Variants in WDR35 observed in about 807,000 individuals in gnomAD.
WDR35 encodes the protein WD repeat domain 35, also known as WD repeat-containing protein 35.
WDR35 carries 118 observed loss-of-function variants against 158.3 expected under a neutral mutation model. The ratio of observed to expected loss-of-function variants is 0.75; its 90% CI spans 0.64 to 0.87. WDR35 has a LOEUF of 0.87. WDR35 is among the 40% of genes least tolerant of loss of function. WDR35 has a pLI of 0.00. For synonymous variants in WDR35, 448 were observed against 476.1 expected, an observed-to-expected ratio of 0.94 and a Z score of 0.77; for missense variants, 1,263 against 1,405.8, an observed-to-expected ratio of 0.90 and a Z score of 1.62.
At chr2:19,977,327 C>T (rs116484187) in intron 5 of WDR35, among the ~76,000 whole-genome samples, 3,310 of 152,310 alleles carry the variant, frequency 0.022, 60 homozygotes, top group Middle Eastern at 0.037. Context: ...ACAAAATCAA[C>T]ATATCCAACA....
In WDR35 at chr2:19,951,421, G is replaced by A. The variant is rs566888481; in HGVS notation, c.1464C>T (p.Thr488=). 74 of 1,608,784 alleles carry A rather than the reference G, an allele frequency of 4.6e-5. No homozygotes were observed. The highest frequency in any genetic ancestry group is 5.9e-5 in the Non-Finnish European group (70 of 1,177,082). ...AAAAATTAAAATCACCTACTTGAATGGTTTTACTATAATCAAGCACACCAT... is the reference window on the plus strand; with the variant it reads ...AAAAATTAAAATCACCTACTTGAATAGTTTTACTATAATCAAGCACACCAT... ...SMDGVLDYSK[T]IQGTRDPICA... is the part of the protein sequence containing the mutation. Residue 488 remains threonine (T), a synonymous_variant, in exon 13 of 27, where the codon ACC becomes ACT. Transcript: ENST00000281405.
rs185713493 is a variant in WDR35, at chr2:19,946,272, A to T, written c.1634+189T>A. ...TTTTAAGCTTTAAGAGTAAAAAATT[A>T]TACTAGTACTTCCACACGCCCAATT... On this transcript the variant is annotated intron_variant, in intron 15 of 26. Transcript: ENST00000281405. 6.4e-4 allele frequency among the ~76,000 whole-genome samples: 97 copies of T among 152,368 alleles called. No homozygotes were observed. The South Asian group carries it at 0.016, about 24-fold the overall frequency.
In WDR35 at chr2:19,966,763, G is replaced by C; in HGVS notation, c.1155C>G (p.Phe385Leu). 6.2e-7 allele frequency: 1 copy of C among 1,613,964 alleles called. No individual in the cohort carries two copies. Among genetic ancestry groups the C allele is most frequent in the Non-Finnish European group, 8.5e-7 (1 of 1,179,940 alleles). ...CATCAGCTTTTGTAGCCAAAATGCA[G>C]AAATCTCCACAGGTAGTAATAGAAA... ...GLISITTCGDFCILATKADEN... is the reference protein window; with the variant it reads ...GLISITTCGDLCILATKADEN... Residue 385 changes from phenylalanine to leucine, a missense_variant, in exon 10 of 27, where the codon TTC (phenylalanine) becomes TTG (leucine). By Grantham distance (22) the Phe-to-Leu change is conservative (BLOSUM62 0). Coordinates refer to ENST00000281405, the MANE Select transcript of WDR35 (RefSeq NM_020779.4).
At chr2:19,974,083 G>C (rs1672117933) in intron 7 of WDR35, among the ~76,000 whole-genome samples, 1 of 151,196 alleles carries the variant, frequency 6.6e-6, no homozygotes, top group Admixed American at 6.6e-5. Flanking sequence ...CGGCAACAGA[G>C]CAAGACCCTG....
chr2:19,937,754 C>T lies in WDR35; in HGVS notation c.2256G>A (p.Glu752=), dbSNP rs1670745083. 1.2e-6 allele frequency: 2 copies of T among 1,614,130 alleles called. No individual in the cohort carries two copies. The highest frequency in any genetic ancestry group is 2.2e-5 in the East Asian group (1 of 44,878). ...CCTTCATAACTTACCTTCTGTCCAT[C>T]TCGAGATACGTTCTTTCAGCCTCTT... ...RFEEAERTYL[E]MDRRDLAIGL... Residue 752 remains glutamate, a synonymous_variant, in exon 19 of 27, where the codon GAG becomes GAA. Coordinates refer to ENST00000281405, the MANE Select transcript of WDR35 (RefSeq NM_020779.4).
At chr2:19,920,757 G>A (rs1441565192) in intron 25 of WDR35, among the ~76,000 whole-genome samples, 2 of 152,128 alleles carry the variant, frequency 1.3e-5, no homozygotes, top group African/African-American at 4.8e-5. Context: ...AAGAAATAAA[G>A]GATATTCAAT....
rs558287881 is a variant in WDR35, at chr2:19,931,505, A to C, written c.2824-96T>G. The C allele has an allele frequency of 1.1e-4, 153 of 1,414,352 alleles. 1 individual carries two copies. In the South Asian group the frequency reaches 1.8e-3, roughly 17 times the overall value. The allele number at this position is 1,414,352 out of a possible 1,614,324, so 87.6% of individuals were successfully genotyped here. The stretch of plus-strand genomic sequence containing the variant: ...ACTAACAAATTTGATTCCCTAAAAA[A>C]GGAGGAAAATCAGTAAGATGGAATA... On this transcript the variant is annotated intron_variant, in intron 23 of 26. Coordinates refer to ENST00000281405, the MANE Select transcript of WDR35 (RefSeq NM_020779.4).
At chr2:19,953,713 T>C (rs1282299179) in intron 12 of WDR35, 121 bp downstream of exon 12, 2 of 1,307,556 alleles carry the variant, frequency 1.5e-6, no homozygotes, top group African/African-American at 1.5e-5. Flanking sequence ...TCAAATTAAT[T>C]GAAAAAACAT....
rs1245561326 is a variant in WDR35 at position 19,974,635 on chromosome 2, TA to T, written c.571-3del. The T allele has an allele frequency of 3.1e-6, 5 of 1,612,398 alleles. No homozygotes were observed. The highest frequency in any genetic ancestry group is 4.2e-6 in the Non-Finnish European group (5 of 1,179,018). ...CAAACAACTCAGTTTCATTTTTATCTAAATAAAATTGGTTAGGTTTAATATT... is the reference window on the plus strand; with the variant it reads ...CAAACAACTCAGTTTCATTTTTATCTAATAAAATTGGTTAGGTTTAATATT... On this transcript the variant is annotated splice_polypyrimidine_tract_variant and splice_region_variant and intron_variant, in intron 6 of 26. Transcript: ENST00000281405.
intron 12 of WDR35, among the ~76,000 whole-genome samples, chr2:19,952,824 T>A (rs2103425097): frequency 7.1e-6 from 1 of 140,808 alleles, no homozygotes; most frequent in South Asian, 2.4e-4. Flanking sequence ...AGTCTCGCTC[T>A]GTCGCCCAGG....
chr2:19,945,957 G>A lies in WDR35; in HGVS notation c.1674C>T (p.Phe558=), dbSNP rs1414454028. The A allele has an allele frequency of 3.1e-6, 5 of 1,613,742 alleles. No individual in the cohort carries two copies. The highest frequency in any genetic ancestry group is 3.4e-6 in the Non-Finnish European group (4 of 1,179,836). ...CCGTTACTCGAGCATCCAAGTCAAA[G>A]AAAGTCAGAACTCCTGAGATGTCTA... The part of the protein sequence containing the change: ...AIIDISGVLT[F]FDLDARVTDS... Residue 558 remains phenylalanine, a synonymous_variant, in exon 16 of 27, where the codon TTC becomes TTT. Coordinates refer to ENST00000281405, the MANE Select transcript of WDR35 (RefSeq NM_020779.4).
chr2:19,937,787 G>A lies in WDR35; in HGVS notation c.2223C>T (p.Gly741=). Residue 741 remains glycine, a synonymous_variant, in exon 19 of 27, where the codon GGC becomes GGT. Transcript: ENST00000281405. The part of the protein sequence containing the change: ...MKQAEVVGYF[G]RFEEAERTYL... Reference sequence around the variant, plus strand: ...ACGTTCTTTCAGCCTCTTCAAACCTGCCGAAGTAGCCAACAACTTCAGCCT... The same window carrying A: ...ACGTTCTTTCAGCCTCTTCAAACCTACCGAAGTAGCCAACAACTTCAGCCT... The A allele has an allele frequency of 6.2e-7, 1 of 1,614,026 alleles. No homozygotes were observed. Among genetic ancestry groups the A allele is most frequent in the Non-Finnish European group, 8.5e-7 (1 of 1,179,992 alleles).
intron 12 of WDR35, 79 bp downstream of exon 12, chr2:19,953,755 C>T (rs147967623): frequency 3.2e-6 from 5 of 1,582,188 alleles, no homozygotes; most frequent in Non-Finnish European, 3.5e-6. Context: ...AGTTATCAAG[C>T]ATGACAATTT....
intron 23 of WDR35, 99 bp downstream of exon 23, chr2:19,932,184 T>C (rs1670545545): frequency 6.7e-7 from 1 of 1,497,594 alleles, no homozygotes; most frequent in South Asian, 1.2e-5. Context: ...TTTGCTGTAA[T>C]AAATATTTGT....
intron 25 of WDR35, among the ~76,000 whole-genome samples, chr2:19,926,911 C>T (rs925743671): frequency 6.6e-6 from 1 of 150,564 alleles, no homozygotes; most frequent in Non-Finnish European, 1.5e-5. Context: ...GGACCCCCCC[C>T]ACCCTGTTGC....
intron 4 of WDR35, 53 bp from the exon 5 acceptor site, chr2:19,978,932 T>C (rs1320399309): frequency 5.0e-6 from 8 of 1,607,082 alleles, no homozygotes; most frequent in Non-Finnish European, 6.8e-6. Flanking sequence ...ATCTATTAAA[T>C]AGTAGTTAAG....
chr2:19,988,344 G>C (rs539121605), intron 2 of WDR35, among the ~76,000 whole-genome samples: 1 of 152,194 alleles, frequency 6.6e-6, no homozygotes, highest in Non-Finnish European at 1.5e-5. Context: ...CAGCAACTCA[G>C]CTTCACTAGA....
At position 19,914,267 on chromosome 2, in the gene WDR35, C is replaced by T. The variant is rs1669929448; in HGVS notation, c.3132G>A (p.Leu1044=). The part of the protein sequence containing the change: ...VDTALKTALH[L]KDYEDIIPPV... ...GAGGGATGATGTCTTCATAGTCTTT[C>T]AGGTGAAGAGCTAAGAAAAACAGGG... Residue 1044 remains leucine (L), a synonymous_variant, in exon 26 of 27, where the codon CTG becomes CTA. Coordinates refer to ENST00000281405, the MANE Select transcript of WDR35 (RefSeq NM_020779.4). The T allele has an allele frequency of 1.2e-6, 2 of 1,613,968 alleles. No homozygotes were observed. Among genetic ancestry groups the T allele is most frequent in the Admixed American group, 1.7e-5 (1 of 60,002 alleles).
Position 19,946,407 on chromosome 2 carries a change from C to T in WDR35, c.1634+54G>A, listed in dbSNP as rs1052075222. On this transcript the variant is annotated intron_variant, in intron 15 of 26. Coordinates refer to ENST00000281405, the MANE Select transcript of WDR35 (RefSeq NM_020779.4). ...TTTATTACATATAAATCTAACAATC[C>T]CAACTGATCATTTCTAAGTCTAACA... is the stretch of plus-strand genomic sequence containing the variant. The T allele has an allele frequency of 2.8e-6, 4 of 1,414,368 alleles. No homozygotes were observed. In the Admixed American group the frequency reaches 5.0e-5, roughly 18 times the overall value. 87.6% of individuals were successfully genotyped at this position (1,414,368 alleles called of 1,614,324 possible). A position where few individuals can be genotyped will look rare whatever the true frequency, so the allele number is the denominator to read the frequency against.
Sources: gnomAD v4.1 joint callset for allele counts (sites outside exome capture counted in the v4.1 genomes callset) on GRCh38, gnomAD v4.1.1 for gene constraint, MANE v1.5 for transcripts, NCBI Gene and HGNC (gene_info 2026-07-23, HGNC 2026-07-21) for gene names.